COBL: variants seen among roughly 807,000 people sequenced by gnomAD.
COBL encodes the protein cordon-bleu WH2 repeat protein.
COBL carries 51 observed loss-of-function variants against 98.8 expected under a neutral mutation model. That is an observed-to-expected ratio of 0.52 (90% CI 0.41 to 0.65). The LOEUF is 0.65. COBL is among the 30% of genes least tolerant of loss of function. The pLI is 0.00. For synonymous variants in COBL, 634 were observed against 651.7 expected, an observed-to-expected ratio of 0.97 and a Z score of 0.41; for missense variants, 1,617 against 1,617.5, an observed-to-expected ratio of 1.00 and a Z score of 0.01.
intron 1 of COBL, among the ~76,000 whole-genome samples, chr7:51,295,081 G>A (rs374618969): frequency 9.5e-4 from 144 of 152,114 alleles, no homozygotes; most frequent in African/African-American, 3.3e-3. Flanking sequence ...GAGGTCAGGA[G>A]TTCAAGACCA....
At chr7:51,109,633 T>C (rs1441118118) in intron 6 of COBL, among the ~76,000 whole-genome samples, 2 of 152,148 alleles carry the variant, frequency 1.3e-5, no homozygotes, top group African/African-American at 4.8e-5. Flanking sequence ...GTTACCACTG[T>C]GCTACCAGGC....
At chr7:51,117,540 T>G (rs1001285889) in intron 6 of COBL, among the ~76,000 whole-genome samples, 5 of 152,168 alleles carry the variant, frequency 3.3e-5, no homozygotes, top group Admixed American at 2.6e-4. Context: ...TTCTAGAATT[T>G]CTACTTGGTT....
At chr7:51,223,515 T>A (rs1204693724) in intron 1 of COBL, among the ~76,000 whole-genome samples, 1 of 151,614 alleles carries the variant, frequency 6.6e-6, no homozygotes, top group Non-Finnish European at 1.5e-5. Context: ...TTCCAGAGAG[T>A]CTGAAGATCT....
chr7:51,103,644 A>G (rs1796007288), intron 6 of COBL, among the ~76,000 whole-genome samples: 1 of 152,160 alleles, frequency 6.6e-6, no homozygotes, highest in African/African-American at 2.4e-5. Context: ...TATGTGCTCT[A>G]CATTTCCTCC....
intron 1 of COBL, among the ~76,000 whole-genome samples, chr7:51,248,003 G>A (rs1796401207): frequency 6.6e-6 from 1 of 152,016 alleles, no homozygotes; most frequent in African/African-American, 2.4e-5. Context: ...GCTGGGCATG[G>A]TGGTGCACGC....
chr7:51,304,477 A>G (rs1314388804), intron 1 of COBL, among the ~76,000 whole-genome samples: 1 of 152,140 alleles, frequency 6.6e-6, no homozygotes, highest in Non-Finnish European at 1.5e-5. Context: ...TTCTAGTGCT[A>G]TTTTTCTGTT....
At chr7:51,043,837 T>C (rs537256533) in intron 7 of COBL, 145 bp from the exon 8 acceptor site, 131 of 647,692 alleles carry the variant, frequency 2.0e-4, no homozygotes, top group Non-Finnish European at 2.0e-4. Context: ...ATTCAAATAC[T>C]GCTGAATACT....
intron 6 of COBL, among the ~76,000 whole-genome samples, chr7:51,124,609 C>T (rs1176384094): frequency 6.6e-6 from 1 of 152,188 alleles, no homozygotes; most frequent in Non-Finnish European, 1.5e-5. Context: ...TGCCACTGTC[C>T]TGGACACCTA....
chr7:51,160,834 T>C (rs928459708), intron 5 of COBL, among the ~76,000 whole-genome samples: 4 of 152,116 alleles, frequency 2.6e-5, no homozygotes, highest in Admixed American at 2.6e-4. Flanking sequence ...GTTAGACTTG[T>C]AGGCACTGGA....
intron 5 of COBL, among the ~76,000 whole-genome samples, chr7:51,168,414 T>A (rs1089284): frequency 0.063 from 9,446 of 150,130 alleles, 505 homozygotes; most frequent in East Asian, 0.27. Context: ...CCAGCACCAG[T>A]GACAGAGCGA....
intron 1 of COBL, among the ~76,000 whole-genome samples, chr7:51,247,204 C>T (rs1045126961): frequency 6.6e-6 from 1 of 152,228 alleles, no homozygotes; most frequent in African/African-American, 2.4e-5. Flanking sequence ...GGAGAAGACT[C>T]TCCCAAATGA....
At chr7:51,283,858 A>C (rs1305081733) in intron 1 of COBL, among the ~76,000 whole-genome samples, 6 of 152,154 alleles carry the variant, frequency 3.9e-5, no homozygotes, top group Admixed American at 6.5e-5. Flanking sequence ...AATTTTACTA[A>C]GCATTTAAAA....
chr7:51,129,121 T>TTCACTGAGAAAC (rs1274881295), intron 6 of COBL, among the ~76,000 whole-genome samples: 2 of 152,226 alleles, frequency 1.3e-5, no homozygotes, highest in Non-Finnish European at 2.9e-5. Flanking sequence ...TCATGCTTTT[T>TTCACTGAGAAAC]TCACTGAGAA....
intron 1 of COBL, among the ~76,000 whole-genome samples, chr7:51,313,254 T>C (rs1803229139): frequency 6.6e-6 from 1 of 152,188 alleles, no homozygotes; most frequent in Non-Finnish European, 1.5e-5. Context: ...ATTTTCTTAA[T>C]ATCTGCATGC....
intron 6 of COBL, among the ~76,000 whole-genome samples, chr7:51,115,294 T>G (rs944268649): frequency 2.0e-5 from 3 of 152,142 alleles, no homozygotes; most frequent in Non-Finnish European, 4.4e-5. Context: ...TGCTTTTATT[T>G]TTATTATATC....
chr7:51,173,944 C>T (rs1788117717), intron 5 of COBL, among the ~76,000 whole-genome samples: 1 of 152,196 alleles, frequency 6.6e-6, no homozygotes, highest in East Asian at 1.9e-4. Flanking sequence ...TACACACATA[C>T]CTATAATTTT....
chr7:51,193,391 AG>A lies in COBL; in HGVS notation c.443del (p.Pro148LeufsTer12), dbSNP rs1185310221. 6.2e-7 allele frequency: 1 copy of A among 1,614,158 alleles called. No individual in the cohort carries two copies. Among genetic ancestry groups the A allele is most frequent in the Non-Finnish European group, 8.5e-7 (1 of 1,179,998 alleles). On this transcript the variant is annotated frameshift_variant, in exon 3 of 13. Transcript: ENST00000265136. LOFTEE classifies it high-confidence loss of function. ...VPEEKVKPGPPKVPEKSVRLV... is the reference protein window; with the variant it reads ...VPEEKVKPGPXKVPEKSVRLV... Reference sequence around the variant, plus strand: ...GGTACCTACTAACCTCAGGCACCTTAGGGGGACCAGGCTTAACCTTCTCTTC... The same window carrying A: ...GGTACCTACTAACCTCAGGCACCTTAGGGGACCAGGCTTAACCTTCTCTTC...
chr7:51,303,491 C>T (rs1802180320), intron 1 of COBL, among the ~76,000 whole-genome samples: 1 of 152,166 alleles, frequency 6.6e-6, no homozygotes, highest in Non-Finnish European at 1.5e-5. Flanking sequence ...ACATCCCCAG[C>T]CCTCCCGGAT....
chr7:51,127,512 C>T (rs1288365722), intron 6 of COBL, among the ~76,000 whole-genome samples: 3 of 152,192 alleles, frequency 2.0e-5, no homozygotes, highest in Non-Finnish European at 4.4e-5. Context: ...CTGCATTTTG[C>T]TTTGGACAAA....
Sources: allele counts gnomAD v4.1 joint callset (sites outside exome capture counted in the v4.1 genomes callset), GRCh38; gene constraint gnomAD v4.1.1; transcripts MANE v1.5; gene names NCBI Gene and HGNC (gene_info 2026-07-23, HGNC 2026-07-21).